VPS13C: variants seen among roughly 807,000 people sequenced by gnomAD.
The protein encoded by VPS13C is vacuolar protein sorting 13 homolog C, also known as intermembrane lipid transfer protein VPS13C.
A neutral mutation model predicts 456.8 loss-of-function variants in VPS13C; 358 were observed. The observed-to-expected ratio is 0.78, with a 90% CI of 0.72 to 0.86. The LOEUF (loss-of-function observed/expected upper bound fraction) is 0.86. VPS13C is among the 40% of genes least tolerant of loss of function. The pLI, the probability that VPS13C is intolerant of heterozygous loss-of-function variation, is 0.00. For missense variants in VPS13C, 4,818 were observed against 4,385.4 expected, an observed-to-expected ratio of 1.10 and a Z score of -2.79; for synonymous variants, 1,578 against 1,486.7, an observed-to-expected ratio of 1.06 and a Z score of -1.41.
chr15:62,008,730 ACT>A lies in VPS13C; in HGVS notation c.1041_1042del (p.Val348GlyfsTer5). The A allele has an allele frequency of 1.2e-6, 2 of 1,605,484 alleles. No homozygotes were observed. Among genetic ancestry groups the A allele is most frequent in the Non-Finnish European group, 1.7e-6 (2 of 1,175,538 alleles). On this transcript the variant is annotated frameshift_variant, in exon 14 of 85. Coordinates refer to ENST00000644861, the MANE Select transcript of VPS13C (RefSeq NM_020821.3). LOFTEE classifies it high-confidence loss of function. ...AGGCGCATTCCTAACCATATAATCC[ACT>A]GACTCCAAAAGGTCAATCATACTTA...
chr15:61,962,999 GT>G, intron 32 of VPS13C, 147 bp from the exon 33 acceptor site: 1 of 509,330 alleles, frequency 2.0e-6, no homozygotes, highest in Non-Finnish European at 3.4e-6. Flanking sequence ...CAATATTAGA[GT>G]TTTTTGGTTT....
At chr15:61,964,555 A>G (rs1241090739) in intron 31 of VPS13C, 144 bp downstream of exon 31, 7 of 750,790 alleles carry the variant, frequency 9.3e-6, no homozygotes, top group Non-Finnish European at 1.5e-5. Flanking sequence ...TGCCTTATAC[A>G]TCAGGTGCTC....
intron 66 of VPS13C, among the ~76,000 whole-genome samples, chr15:61,899,980 T>C (rs2042947116): frequency 6.6e-6 from 1 of 152,096 alleles, no homozygotes; most frequent in African/African-American, 2.4e-5. Context: ...ATAAATGTAA[T>C]CCAGCATATA....
At chr15:61,917,664 A>G (rs2043515956) in intron 59 of VPS13C, 29 bp from the exon 60 acceptor site, 1 of 1,593,076 alleles carries the variant, frequency 6.3e-7, no homozygotes, top group Admixed American at 1.7e-5. Flanking sequence ...GTGACAATAA[A>G]GTTTTGATCC....
chr15:62,000,579 T>A lies in VPS13C; in HGVS notation c.1338A>T (p.Gln446His), dbSNP rs547366938. 8.1e-6 allele frequency: 13 copies of A among 1,608,418 alleles called. No individual in the cohort carries two copies. The East Asian group carries it at 2.9e-4, about 36-fold the overall frequency. The change falls in exon 16 of 85, where the codon CAA (glutamine) becomes CAT (histidine). Residue 446 changes from glutamine (Q) to histidine (H), a missense_variant. Around this residue, in one of 3 missense-constraint regions of VPS13C, gnomAD observed 4,552 missense variants for 4,130.6 expected, o/e 1.10. Coordinates refer to ENST00000644861, the MANE Select transcript of VPS13C (RefSeq NM_020821.3). Reference protein sequence around the residue: ...LDVFNIILARQQAQVEVIRSG... With the variant: ...LDVFNIILARHQAQVEVIRSG... ...AAATGATTACCTCAACTTGTGCTTG[T>A]TGCCTTGCTAAAATTATGTTAAAAA...
intron 45 of VPS13C, among the ~76,000 whole-genome samples, chr15:61,942,687 A>G (rs913737835): frequency 4.3e-4 from 66 of 152,214 alleles, no homozygotes; most frequent in African/African-American, 1.5e-3. Context: ...AATCTTTCCC[A>G]ATGAGGATAA....
chr15:61,906,632 T>G (rs1186477865), intron 66 of VPS13C: 1 of 152,672 alleles, frequency 6.5e-6, no homozygotes, highest in East Asian at 1.9e-4. Flanking sequence ...CAATGGACAA[T>G]GACACTATTT....
intron 2 of VPS13C, among the ~76,000 whole-genome samples, chr15:62,043,873 A>G (rs2048318464): frequency 6.6e-6 from 1 of 152,174 alleles, no homozygotes; most frequent in Non-Finnish European, 1.5e-5. Context: ...CCAAAATTAG[A>G]TATGTTATTT....
At chr15:61,950,498 T>C (rs750873538) in intron 40 of VPS13C, 81 bp from the exon 41 acceptor site, 24 of 1,090,776 alleles carry the variant, frequency 2.2e-5, no homozygotes, top group Admixed American at 6.4e-5. Flanking sequence ...TCTTTACTTT[T>C]CTAAGTATGC....
intron 45 of VPS13C, among the ~76,000 whole-genome samples, chr15:61,943,414 G>C (rs2044495067): frequency 6.6e-6 from 1 of 151,916 alleles, no homozygotes; most frequent in African/African-American, 2.4e-5. Context: ...TGGTACAAAA[G>C]CAGACAAACA....
Position 61,927,299 on chromosome 15 carries a change from A to G in VPS13C, c.6308T>C (p.Met2103Thr), listed in dbSNP as rs758376765. Residue 2103 changes from methionine to threonine, a missense_variant, in exon 52 of 85, where the codon ATG becomes ACG. Physicochemically the swap from Met to Thr is moderately conservative, Grantham distance 81 (BLOSUM62 -1). This residue lies in a region of VPS13C where 4,552 missense variants were observed against 4,130.6 expected (regional missense o/e 1.10). Coordinates refer to ENST00000644861, the MANE Select transcript of VPS13C (RefSeq NM_020821.3). ...ATCTGTGATCATGGCCTTTAAAGTCATATTTGGTCTAACAGAGTCATCTGA... is the reference window on the plus strand; with the variant it reads ...ATCTGTGATCATGGCCTTTAAAGTCGTATTTGGTCTAACAGAGTCATCTGA... ...IEKDDSVRPN[M>T]TLKAMITDPE... The G allele has an allele frequency of 1.2e-6, 2 of 1,614,026 alleles. No homozygotes were observed. Among genetic ancestry groups the G allele is most frequent in the Non-Finnish European group, 8.5e-7 (1 of 1,179,996 alleles).
At chr15:61,900,467 C>A (rs908025249) in intron 66 of VPS13C, among the ~76,000 whole-genome samples, 4 of 151,704 alleles carry the variant, frequency 2.6e-5, no homozygotes, top group Non-Finnish European at 5.9e-5. Context: ...TATACACCAA[C>A]AACAGACAGA....
At chr15:62,035,128 G>T in intron 3 of VPS13C, 76 bp from the exon 4 acceptor site, 1 of 1,049,302 alleles carries the variant, frequency 9.5e-7, no homozygotes, top group Non-Finnish European at 1.4e-6. Flanking sequence ...TTTCCATTAA[G>T]CGAAAAAGCA....
intron 43 of VPS13C, 152 bp downstream of exon 43, chr15:61,947,041 G>T: frequency 1.9e-6 from 1 of 522,856 alleles, no homozygotes. Flanking sequence ...AAATTTACTT[G>T]TAACATTTTA....
chr15:62,000,390 G>T (rs1012855514), intron 16 of VPS13C, among the ~76,000 whole-genome samples, 174 bp downstream of exon 16: 1 of 151,542 alleles, frequency 6.6e-6, no homozygotes, highest in Non-Finnish European at 1.5e-5. Context: ...TAAAAATAAG[G>T]TTTTTTTTCC....
rs746770369 is a variant in VPS13C at position 61,878,666 on chromosome 15, GACAGAA to G, written c.10077_10082del (p.Ser3360_Val3361del). On this transcript the variant is annotated inframe_deletion, in exon 74 of 85. Coordinates refer to ENST00000644861, the MANE Select transcript of VPS13C (RefSeq NM_020821.3). ...CACCTATGCTTTTCAACAGCAAGTT[GACAGAA>G]TGAACTGCAAACATTTCCTGTTTTT... The G allele has an allele frequency of 1.9e-6, 3 of 1,611,736 alleles. No homozygotes were observed. The South Asian group carries it at 3.3e-5, about 18-fold the overall frequency.
At chr15:61,976,991 G>T in intron 24 of VPS13C, 91 bp downstream of exon 24, 1 of 898,868 alleles carries the variant, frequency 1.1e-6, no homozygotes. Context: ...GTCTCCCACA[G>T]AAATCTATCT....
intron 27 of VPS13C, among the ~76,000 whole-genome samples, chr15:61,971,124 G>C (rs143624021): frequency 6.6e-6 from 1 of 152,208 alleles, no homozygotes; most frequent in Non-Finnish European, 1.5e-5. Context: ...GAACTGGCCA[G>C]TCATATGAGG....
chr15:61,923,207 T>C (rs190465344), intron 53 of VPS13C, among the ~76,000 whole-genome samples: 1 of 109,578 alleles, frequency 9.1e-6, no homozygotes, highest in Non-Finnish European at 2.0e-5. Flanking sequence ...CAAGATCTTC[T>C]GAAAAAAAAA....
Sources: gnomAD v4.1 joint callset for allele counts (sites outside exome capture counted in the v4.1 genomes callset) on GRCh38, gnomAD v4.1.1 for gene constraint, gnomAD v4.1.1 regional missense constraint, MANE v1.5 for transcripts, NCBI Gene and HGNC (gene_info 2026-07-23, HGNC 2026-07-21) for gene names.